Variants in SV2B observed in about 807,000 individuals in gnomAD.
SV2B encodes synaptic vesicle glycoprotein 2B.
In SV2B, 41 loss-of-function variants were observed where a neutral mutation model predicts 73.9. The ratio of observed to expected loss-of-function variants is 0.56; its 90% CI spans 0.43 to 0.72. The LOEUF (loss-of-function observed/expected upper bound fraction) is 0.72. Among genes scored for constraint, SV2B ranks in the 30% least tolerant of loss-of-function variants. The pLI is 0.00. For missense variants in SV2B, 764 were observed against 857.8 expected, an observed-to-expected ratio of 0.89 and a Z score of 1.37; for synonymous variants, 314 against 314.2, an observed-to-expected ratio of 1.00 and a Z score of 0.01.
rs2141825270 is a variant in SV2B at position 91,294,458 on chromosome 15, A to G, written c.*1906A>G. The G allele has an allele frequency of 6.6e-6, 1 of 152,172 alleles. No individual in the cohort carries two copies. The allele number at this position is 152,172 out of a possible 1,614,324, so 9.4% of individuals were successfully genotyped here. ...TGGACACCCTGATTCCTCCAAATAT[A>G]TATACCACTGTGTATTAATCTTTCT... On this transcript the variant is annotated 3_prime_UTR_variant, in exon 13 of 13. Coordinates refer to ENST00000394232, the MANE Select transcript of SV2B (RefSeq NM_001323032.3). This position sits in a 1 kb window ranked among gnomAD's most constrained non-coding sequence, Gnocchi z 4.1.
rs1437452931 is a variant in SV2B, at chr15:91,252,075, G to A, written c.632+76G>A. ...CATTCTGGTATTCTAGCTCCAAGAG[G>A]TAACTCTAGAAACCCTTGGACTGAC... On this transcript the variant is annotated intron_variant, in intron 3 of 12. Coordinates refer to ENST00000394232, the MANE Select transcript of SV2B (RefSeq NM_001323032.3). The surrounding 1 kb of genome is among the most constrained non-coding windows in gnomAD (Gnocchi z 4.6). 1.3e-5 allele frequency: 20 copies of A among 1,546,944 alleles called. No homozygotes were observed. The Admixed American group carries it at 3.8e-4, about 29-fold the overall frequency.
At chr15:91,149,222 G>A (rs945008193) in intron 1 of SV2B, among the ~76,000 whole-genome samples, 2 of 152,236 alleles carry the variant, frequency 1.3e-5, no homozygotes, top group Admixed American at 6.5e-5. Flanking sequence ...TTGGCCTGAG[G>A]ATGCCTGCAG....
rs1251494434 is a variant in SV2B, at chr15:91,123,996, G to A, written c.-392+23633G>A. Among the ~76,000 whole-genome samples, 1 of 152,154 alleles carries A rather than the reference G, an allele frequency of 6.6e-6. No homozygotes were observed. Among genetic ancestry groups the A allele is most frequent in the Admixed American group, 6.5e-5 (1 of 15,276 alleles). On this transcript the variant is annotated intron_variant, in intron 1 of 12. Coordinates refer to ENST00000394232, the MANE Select transcript of SV2B (RefSeq NM_001323032.3). This position sits in a 1 kb window ranked among gnomAD's most constrained non-coding sequence, Gnocchi z 4.7. ...GGTACCTAGAGAAAATATTCAGCTTGCAAGCTGCTAGTTCACAGACAGGCT... is the reference window on the plus strand; with the variant it reads ...GGTACCTAGAGAAAATATTCAGCTTACAAGCTGCTAGTTCACAGACAGGCT...
intron 9 of SV2B, among the ~76,000 whole-genome samples, chr15:91,271,823 A>G (rs780805226): frequency 2.6e-5 from 4 of 152,122 alleles, no homozygotes; most frequent in Non-Finnish European, 5.9e-5. Context: ...GAGCGCCTCC[A>G]TGAATACACG....
chr15:91,169,931 A>G (rs1407414104), intron 1 of SV2B, among the ~76,000 whole-genome samples: 2 of 152,226 alleles, frequency 1.3e-5, no homozygotes, highest in Admixed American at 6.5e-5. Flanking sequence ...CGGCGCAAAT[A>G]AGACTGCAAA....
In SV2B at chr15:91,106,592, C is replaced by T. The variant is rs767526044; in HGVS notation, c.-392+6229C>T. ...AGGCTTTAAATGTGAAGGCTCCAAT[C>T]GCTTATATCATACGGAAAGCAACGT... On this transcript the variant is annotated intron_variant, in intron 1 of 12. Coordinates refer to ENST00000394232, the MANE Select transcript of SV2B (RefSeq NM_001323032.3). The surrounding 1 kb of genome is among the most constrained non-coding windows in gnomAD (Gnocchi z 4.4). Among the ~76,000 whole-genome samples, 5 of 152,056 alleles carry T rather than the reference C, an allele frequency of 3.3e-5. No individual in the cohort carries two copies. Among genetic ancestry groups the T allele is most frequent in the Non-Finnish European group, 7.4e-5 (5 of 68,012 alleles).
intron 2 of SV2B, among the ~76,000 whole-genome samples, chr15:91,238,221 A>G (rs942306137): frequency 7.2e-5 from 11 of 152,322 alleles, no homozygotes; most frequent in East Asian, 5.8e-4. Flanking sequence ...TTATACTACT[A>G]TCACCACTAC....
At chr15:91,205,398 C>T (rs1157533225) in intron 1 of SV2B, among the ~76,000 whole-genome samples, 2 of 151,486 alleles carry the variant, frequency 1.3e-5, no homozygotes, top group African/African-American at 2.4e-5. Context: ...CACAGGGTCT[C>T]ACTCTGTTGC....
chr15:91,171,352 A>G (rs2044115666), intron 1 of SV2B, among the ~76,000 whole-genome samples: 1 of 152,268 alleles, frequency 6.6e-6, no homozygotes, highest in Admixed American at 6.5e-5. Context: ...TACAGTAAGT[A>G]CTTCATAAGA....
In SV2B at chr15:91,141,474, G is replaced by A. The variant is rs2042994239; in HGVS notation, c.-392+41111G>A. ...GTATCCTGGTCAAGGGTGGAGAGAG[G>A]TTCCGCTTTGAGGGCCAGCTCTGCC... is the stretch of plus-strand genomic sequence containing the variant. On this transcript the variant is annotated intron_variant, in intron 1 of 12. Coordinates refer to ENST00000394232, the MANE Select transcript of SV2B (RefSeq NM_001323032.3). The surrounding 1 kb of genome is among the most constrained non-coding windows in gnomAD (Gnocchi z 4.6). 6.6e-6 allele frequency among the ~76,000 whole-genome samples: 1 copy of A among 152,184 alleles called. No homozygotes were observed. Among genetic ancestry groups the A allele is most frequent in the South Asian group, 2.1e-4 (1 of 4,834 alleles).
At chr15:91,181,868 TA>T (rs2044592278) in intron 1 of SV2B, among the ~76,000 whole-genome samples, 2 of 151,994 alleles carry the variant, frequency 1.3e-5, no homozygotes, top group Admixed American at 1.3e-4. Context: ...AGAAAGATTT[TA>T]GTTCAAACTG....
chr15:91,196,980 A>G (rs2045268187), intron 1 of SV2B, among the ~76,000 whole-genome samples: 1 of 152,184 alleles, frequency 6.6e-6, no homozygotes, highest in South Asian at 2.1e-4. Flanking sequence ...GCACTGCTGC[A>G]GGGGGAAGTT....
chr15:91,221,693 G>GCGCGCGCGCACACACACACACACA (rs370290337), intron 1 of SV2B, among the ~76,000 whole-genome samples: 31 of 140,156 alleles, frequency 2.2e-4, no homozygotes, highest in African/African-American at 8.1e-4. Context: ...AAGCATGTGC[G>GCGCGCGCGCACACACACACACACA]CACACACACA....
At chr15:91,174,782 T>C (rs1187928339) in intron 1 of SV2B, among the ~76,000 whole-genome samples, 1 of 152,218 alleles carries the variant, frequency 6.6e-6, no homozygotes, top group African/African-American at 2.4e-5. Flanking sequence ...AGGCCACTCC[T>C]GGATGGGCCA....
rs188158656 is a variant in SV2B, at chr15:91,265,087, G to A, written c.1009-1495G>A. On this transcript the variant is annotated intron_variant, in intron 6 of 12. Coordinates refer to ENST00000394232, the MANE Select transcript of SV2B (RefSeq NM_001323032.3). The surrounding 1 kb of genome is among the most constrained non-coding windows in gnomAD (Gnocchi z 4.2). ...GAGCCAGCCTGTGGTTGGCGGTCAGGGGCGGGTACTCAGCCCAGCTTGAAG... is the reference window on the plus strand; with the variant it reads ...GAGCCAGCCTGTGGTTGGCGGTCAGAGGCGGGTACTCAGCCCAGCTTGAAG... Among the ~76,000 whole-genome samples the A allele has an allele frequency of 3.9e-5, 6 of 152,308 alleles. No individual in the cohort carries two copies. The highest frequency in any genetic ancestry group is 8.8e-5 in the Non-Finnish European group (6 of 68,034).
chr15:91,259,111 T>A (rs957649281), intron 5 of SV2B, among the ~76,000 whole-genome samples: 11 of 151,112 alleles, frequency 7.3e-5, no homozygotes, highest in South Asian at 4.2e-4. Flanking sequence ...AATAAAAATA[T>A]AAATAAATAA....
chr15:91,144,155 T>A (rs981287867), intron 1 of SV2B, among the ~76,000 whole-genome samples: 3 of 152,256 alleles, frequency 2.0e-5, no homozygotes, highest in African/African-American at 4.8e-5. Flanking sequence ...AGAAGCCAGA[T>A]AATGTTTATA....
rs555384613 is a variant in SV2B at position 91,197,319 on chromosome 15, C to T, written c.-391-28554C>T. ...TCTCAGCTCACCGCAACCTCTGCTT[C>T]CTGGGTTCAAGCAATCCTCCTGCCT... On this transcript the variant is annotated intron_variant, in intron 1 of 12. Coordinates refer to ENST00000394232, the MANE Select transcript of SV2B (RefSeq NM_001323032.3). The surrounding 1 kb of genome is among the most constrained non-coding windows in gnomAD (Gnocchi z 4.9). 6.6e-6 allele frequency among the ~76,000 whole-genome samples: 1 copy of T among 152,008 alleles called. No individual in the cohort carries two copies.
chr15:91,128,865 G>A lies in SV2B; in HGVS notation c.-392+28502G>A, dbSNP rs953971404. The A allele has an allele frequency of 6.6e-6, 1 of 152,152 alleles. No individual in the cohort carries two copies. The highest frequency in any genetic ancestry group is 2.1e-4 in the South Asian group (1 of 4,834). The allele number at this position is 152,152 out of a possible 1,614,324, so 9.4% of individuals were successfully genotyped here. Reference sequence around the variant, plus strand: ...ATGAGCACTAGATCCTATCCTTTTTGTCCAATCATATTTCTCCATGGCTGT... The same window carrying A: ...ATGAGCACTAGATCCTATCCTTTTTATCCAATCATATTTCTCCATGGCTGT... On this transcript the variant is annotated intron_variant, in intron 1 of 12. Transcript: ENST00000394232. This position sits in a 1 kb window ranked among gnomAD's most constrained non-coding sequence, Gnocchi z 4.2.
Sources: gnomAD v4.1 joint callset for allele counts (sites outside exome capture counted in the v4.1 genomes callset) on GRCh38, gnomAD v4.1.1 for gene constraint, Gnocchi (gnomAD v3.1) non-coding constraint, MANE v1.5 for transcripts, NCBI Gene and HGNC (gene_info 2026-07-23, HGNC 2026-07-21) for gene names.